The following ABCC9 variants were observed in gnomAD, a reference collection of about 807,000 sequenced individuals.
ABCC9 encodes the protein ATP-binding cassette sub-family C member 9.
In ABCC9, 95 loss-of-function variants were observed where a neutral mutation model predicts 188.3. The observed-to-expected ratio is 0.50, with a 90% CI of 0.43 to 0.60. The LOEUF (loss-of-function observed/expected upper bound fraction) is 0.60, where lower values mean the gene tolerates loss of function less well. ABCC9 is among the 20% of genes least tolerant of loss of function. The pLI is 0.00. For synonymous variants in ABCC9, 659 were observed against 652.7 expected, an observed-to-expected ratio of 1.01 and a Z score of -0.15; for missense variants, 1,102 against 1,876.3, an observed-to-expected ratio of 0.59 and a Z score of 7.62.
At chr12:21,917,971 G>T (rs1307955797) in intron 5 of ABCC9, among the ~76,000 whole-genome samples, 2 of 151,926 alleles carry the variant, frequency 1.3e-5, no homozygotes, top group Non-Finnish European at 2.9e-5. Flanking sequence ...CTGATCATTG[G>T]CATATGAACT....
chr12:21,927,214 G>C (rs1462720010), intron 4 of ABCC9, among the ~76,000 whole-genome samples: 1 of 152,212 alleles, frequency 6.6e-6, no homozygotes, highest in African/African-American at 2.4e-5. Flanking sequence ...AATGTATCAT[G>C]GAAGGCTTTG....
At chr12:21,836,652 C>T (rs1228937485) in intron 30 of ABCC9, among the ~76,000 whole-genome samples, 1 of 152,042 alleles carries the variant, frequency 6.6e-6, no homozygotes, top group Non-Finnish European at 1.5e-5. Flanking sequence ...GCCCTCTCTC[C>T]TACTAGGCTG....
chr12:21,932,672 A>G lies in ABCC9; in HGVS notation c.284+1110T>C, dbSNP rs1326761313. ...CCTTGATCATTAGAGAAATGCAAATATAAACCACAATGAAATACCATCTCA... is the reference window on the plus strand; with the variant it reads ...CCTTGATCATTAGAGAAATGCAAATGTAAACCACAATGAAATACCATCTCA... On this transcript the variant is annotated intron_variant, in intron 4 of 39. Transcript: ENST00000261200. Among the ~76,000 whole-genome samples the G allele has an allele frequency of 2.6e-5, 4 of 152,116 alleles. No individual in the cohort carries two copies. In the East Asian group the frequency reaches 7.7e-4, roughly 29 times the overall value.
chr12:21,803,512 G>A lies in ABCC9; in HGVS notation c.4513-2331C>T, dbSNP rs778347467. Among the ~76,000 whole-genome samples the A allele has an allele frequency of 4.0e-5, 6 of 151,634 alleles. No individual in the cohort carries two copies. The East Asian group carries it at 7.8e-4, about 20-fold the overall frequency. Reference sequence around the variant, plus strand: ...CTCTACTAAAAATACAAAATTAGCCGGGCATGGTGGTGCATGCCTGCAACC... The same window carrying A: ...CTCTACTAAAAATACAAAATTAGCCAGGCATGGTGGTGCATGCCTGCAACC... On this transcript the variant is annotated intron_variant, in intron 39 of 39. Transcript: ENST00000261200.
chr12:21,822,330 A>G lies in ABCC9; in HGVS notation c.3670-4079T>C, dbSNP rs80090462. On this transcript the variant is annotated intron_variant, in intron 31 of 39. Coordinates refer to ENST00000261200, the MANE Select transcript of ABCC9 (RefSeq NM_020297.4). ...GCTAAAAACTGTTTTTTTTTTTTCTAAAGTACTGGAAATATTTTAGAGACT... is the reference window on the plus strand; with the variant it reads ...GCTAAAAACTGTTTTTTTTTTTTCTGAAGTACTGGAAATATTTTAGAGACT... Among the ~76,000 whole-genome samples, 1,177 of 148,772 alleles carry G rather than the reference A, an allele frequency of 7.9e-3. 16 individuals carry two copies. The highest frequency in any genetic ancestry group is 0.012 in the Non-Finnish European group (803 of 67,294).
chr12:21,829,631 C>T (rs899562672), intron 30 of ABCC9, among the ~76,000 whole-genome samples: 3 of 152,118 alleles, frequency 2.0e-5, no homozygotes, highest in Admixed American at 2.0e-4. Context: ...CTTCTAATAA[C>T]AACATTGTAT....
intron 9 of ABCC9, 87 bp from the exon 10 acceptor site, chr12:21,910,399 T>G: frequency 7.4e-7 from 1 of 1,351,126 alleles, no homozygotes; most frequent in Non-Finnish European, 1.0e-6. Context: ...ATAACAAACA[T>G]TTAATTTTTT....
At chr12:21,844,611 T>TGCTAATGGGCATC in intron 27 of ABCC9, 59 bp from the exon 28 acceptor site, 1 of 1,565,426 alleles carries the variant, frequency 6.4e-7, no homozygotes, top group Non-Finnish European at 8.8e-7. Context: ...ACCTGGGCAT[T>TGCTAATGGGCATC]GCTAATGGGC....
chr12:21,844,157 T>G (rs949523879), intron 28 of ABCC9, among the ~76,000 whole-genome samples: 1 of 152,178 alleles, frequency 6.6e-6, no homozygotes, highest in South Asian at 2.1e-4. Flanking sequence ...TACTAAACTT[T>G]TAAGAACTTT....
chr12:21,805,289 T>C (rs752684723), intron 39 of ABCC9: 2 of 1,613,898 alleles, frequency 1.2e-6, no homozygotes, highest in Middle Eastern at 1.7e-4. Context: ...AAGGCCTGCA[T>C]CCATAATAGA....
Position 21,801,149 on chromosome 12 carries a change from C to T in ABCC9, c.4545G>A (p.Leu1515=). ...TATTTCCTCGCTTCATCACAATAAC[C>T]AGGTCTGCCGTCAGAATAGTGTGTA... The part of the protein sequence containing the change: ...HRVHTILTAD[L]VIVMKRGNIL... Residue 1515 remains leucine (L), a synonymous_variant, in exon 40 of 40, where the codon CTG becomes CTA. Coordinates refer to ENST00000261200, the MANE Select transcript of ABCC9 (RefSeq NM_020297.4). 1 of 1,613,966 alleles carries T rather than the reference C, an allele frequency of 6.2e-7. No individual in the cohort carries two copies.
chr12:21,932,351 G>A (rs1226335647), intron 4 of ABCC9, among the ~76,000 whole-genome samples: 1 of 151,912 alleles, frequency 6.6e-6, no homozygotes, highest in Non-Finnish European at 1.5e-5. Context: ...TCAGGACATA[G>A]GTATGAGCAA....
chr12:21,863,082 C>T (rs763970306), intron 19 of ABCC9, 28 bp from the exon 20 acceptor site: 10 of 1,309,928 alleles, frequency 7.6e-6, no homozygotes, highest in Non-Finnish European at 1.1e-5. Context: ...AAAAAAAAAA[C>T]ACCAGGATTA....
At chr12:21,885,325 A>G (rs1407264226) in intron 15 of ABCC9, among the ~76,000 whole-genome samples, 5 of 152,344 alleles carry the variant, frequency 3.3e-5, no homozygotes, top group Non-Finnish European at 7.3e-5. Context: ...AAAGACATCA[A>G]GAAGTCCAGT....
chr12:21,805,135 C>T (rs1267048494), intron 39 of ABCC9: 4 of 1,613,546 alleles, frequency 2.5e-6, no homozygotes, highest in Non-Finnish European at 2.5e-6. Context: ...AAGATAACTA[C>T]CGGAGAATGA....
At chr12:21,925,415 G>A in intron 5 of ABCC9, 1 of 673,474 alleles carries the variant, frequency 1.5e-6, no homozygotes. Flanking sequence ...CTGCTCCTCA[G>A]GACAGCATAC....
rs1565670151 is a variant in ABCC9, at chr12:21,797,799, C to T, written c.*3245G>A. On this transcript the variant is annotated 3_prime_UTR_variant, in exon 40 of 40. Transcript: ENST00000261200. ...TACAAAGTCTTTTCCCTGTCAATGACATAAGTAACCCTGGTATTTTAATAT... is the reference window on the plus strand; with the variant it reads ...TACAAAGTCTTTTCCCTGTCAATGATATAAGTAACCCTGGTATTTTAATAT... The T allele has an allele frequency of 1.3e-5, 2 of 152,116 alleles. No homozygotes were observed. The allele number at this position is 152,116 out of a possible 1,614,324, so 9.4% of individuals were successfully genotyped here.
chr12:21,821,575 G>T (rs780235899), intron 31 of ABCC9, among the ~76,000 whole-genome samples: 1 of 152,022 alleles, frequency 6.6e-6, no homozygotes, highest in African/African-American at 2.4e-5. Flanking sequence ...AAATTAAACA[G>T]TAGGAGTAAT....
chr12:21,800,441 T>C lies in ABCC9; in HGVS notation c.*603A>G, dbSNP rs1941375346. 6.6e-6 allele frequency: 1 copy of C among 152,418 alleles called. No individual in the cohort carries two copies. The highest frequency in any genetic ancestry group is 2.1e-4 in the South Asian group (1 of 4,840). 9.4% of individuals were successfully genotyped at this position (152,418 alleles called of 1,614,324 possible). On this transcript the variant is annotated 3_prime_UTR_variant, in exon 40 of 40. Transcript: ENST00000261200. ...AAATATCCAAACTCTTCATGATCTT[T>C]CTAGATAAGGCTTTGGCCTTATAGA...
Sources: gnomAD v4.1 joint callset for allele counts (sites outside exome capture counted in the v4.1 genomes callset) on GRCh38, gnomAD v4.1.1 for gene constraint, MANE v1.5 for transcripts, NCBI Gene and HGNC (gene_info 2026-07-23, HGNC 2026-07-21) for gene names.